Variants in KIF18A observed in about 807,000 individuals in gnomAD.
KIF18A encodes the protein kinesin family member 18A.
Under a neutral mutation model 103.3 loss-of-function variants are expected in KIF18A, and 67 were observed. The observed-to-expected ratio is 0.65, with a 90% CI of 0.53 to 0.79. The LOEUF is 0.79. Among genes scored for constraint, KIF18A ranks in the 30% least tolerant of loss-of-function variants. The probability of loss-of-function intolerance (pLI) is 0.00; values close to 1 mark genes in which losing one functional copy is unlikely to be tolerated. For synonymous variants in KIF18A, 367 were observed against 355.5 expected, an observed-to-expected ratio of 1.03 and a Z score of -0.36; for missense variants, 1,032 against 1,062.5, an observed-to-expected ratio of 0.97 and a Z score of 0.40.
chr11:28,030,505 C>A (rs1215711507), intron 15 of KIF18A, among the ~76,000 whole-genome samples: 1 of 152,094 alleles, frequency 6.6e-6, no homozygotes, highest in Non-Finnish European at 1.5e-5. Context: ...TGGATCCCTT[C>A]CTTACACCTT....
At chr11:28,057,282 G>A (rs1472949229) in intron 13 of KIF18A, among the ~76,000 whole-genome samples, 1 of 152,050 alleles carries the variant, frequency 6.6e-6, no homozygotes, top group African/African-American at 2.4e-5. Flanking sequence ...TTGGGAGGCC[G>A]AGGTGGATGG....
intron 13 of KIF18A, among the ~76,000 whole-genome samples, chr11:28,040,092 A>G (rs994954727): frequency 4.6e-5 from 7 of 151,822 alleles, no homozygotes; most frequent in African/African-American, 1.7e-4. Context: ...ACCCAACTTA[A>G]TGAAAACTAA....
intron 16 of KIF18A, 133 bp downstream of exon 16, chr11:28,023,608 A>G (rs940119469): frequency 4.2e-6 from 2 of 477,860 alleles, no homozygotes; most frequent in Non-Finnish European, 7.5e-6. Flanking sequence ...GTGGATAATC[A>G]TACTTGTTCT....
intron 2 of KIF18A, among the ~76,000 whole-genome samples, chr11:28,095,461 A>T (rs1464791290): frequency 6.6e-6 from 1 of 152,160 alleles, no homozygotes; most frequent in East Asian, 1.9e-4. Flanking sequence ...AGCCCTTAGT[A>T]TATGCTGCAT....
In KIF18A at chr11:28,036,629, G is replaced by C; in HGVS notation, c.1984C>G (p.Pro662Ala). 1 of 1,609,318 alleles carries C rather than the reference G, an allele frequency of 6.2e-7. No homozygotes were observed. Among genetic ancestry groups the C allele is most frequent in the Non-Finnish European group, 8.5e-7 (1 of 1,177,290 alleles). Reference protein sequence around the residue: ...SSGGTNLVKIPTEKRTRRKLM... With the variant: ...SSGGTNLVKIATEKRTRRKLM... ...TTTCTCCGAGTTCTTTTTTCTGTAG[G>C]AATCTTAACCAGATTAGTTCCACCT... Residue 662 changes from proline to alanine, a missense_variant, in exon 14 of 17, where the codon CCT (proline) becomes GCT (alanine). Pro to Ala is a conservative substitution (Grantham distance 27). Transcript: ENST00000263181.
intron 13 of KIF18A, among the ~76,000 whole-genome samples, chr11:28,054,279 C>T (rs781128283): frequency 7.3e-5 from 11 of 150,714 alleles, no homozygotes; most frequent in South Asian, 6.3e-4. Context: ...GGTGCAATCT[C>T]GGCTCACTGC....
intron 13 of KIF18A, among the ~76,000 whole-genome samples, chr11:28,049,121 T>G (rs909012940): frequency 3.3e-5 from 5 of 152,072 alleles, no homozygotes; most frequent in African/African-American, 1.2e-4. Context: ...ATATTATTCA[T>G]TTCTTATGCC....
At chr11:28,083,049 TG>T in intron 8 of KIF18A, 81 bp from the exon 9 acceptor site, 1 of 1,453,182 alleles carries the variant, frequency 6.9e-7, no homozygotes, top group Non-Finnish European at 9.2e-7. Flanking sequence ...AAAAAATAAC[TG>T]AATTAACCAG....
chr11:28,042,734 A>C (rs1394039456), intron 13 of KIF18A, among the ~76,000 whole-genome samples: 2 of 151,970 alleles, frequency 1.3e-5, no homozygotes, highest in African/African-American at 4.8e-5. Context: ...GCAAAAGACA[A>C]TTTTAACCAA....
chr11:28,105,449 G>C (rs979013695), intron 1 of KIF18A, among the ~76,000 whole-genome samples: 2 of 152,066 alleles, frequency 1.3e-5, no homozygotes, highest in African/African-American at 4.8e-5. Flanking sequence ...TGTATAAAAC[G>C]AAGATGTACA....
intron 13 of KIF18A, among the ~76,000 whole-genome samples, chr11:28,058,573 G>A (rs1344232958): frequency 1.2e-4 from 16 of 135,478 alleles, no homozygotes; most frequent in Middle Eastern, 4.1e-3. Flanking sequence ...GAAGTGGAAG[G>A]ATTGCTAGAG....
At chr11:28,069,926 G>A (rs907058648) in intron 10 of KIF18A, among the ~76,000 whole-genome samples, 8 of 152,142 alleles carry the variant, frequency 5.3e-5, no homozygotes, top group African/African-American at 1.9e-4. Context: ...GTGCTTATCA[G>A]TATCTGATCT....
At chr11:28,026,734 G>A (rs1850326726) in intron 15 of KIF18A, among the ~76,000 whole-genome samples, 1 of 151,562 alleles carries the variant, frequency 6.6e-6, no homozygotes, top group Non-Finnish European at 1.5e-5. Flanking sequence ...TGACATCTTA[G>A]TAAACACAAC....
chr11:28,083,295 G>T, intron 7 of KIF18A, 52 bp from the exon 8 acceptor site: 1 of 1,489,890 alleles, frequency 6.7e-7, no homozygotes, highest in African/African-American at 1.5e-5. Flanking sequence ...TAATCACAGA[G>T]ATAAATACAT....
chr11:28,059,103 C>T lies in KIF18A; in HGVS notation c.1771G>A (p.Gly591Ser), dbSNP rs139953450. Residue 591 changes from glycine (G) to serine (S), a missense_variant, in exon 13 of 17, where the codon GGC (glycine) becomes AGC (serine). Physicochemically the swap from Gly to Ser is moderately conservative, Grantham distance 56. Coordinates refer to ENST00000263181, the MANE Select transcript of KIF18A (RefSeq NM_031217.4). ...RKQYCTLKEA[G>S]LSNAAFESDF... ...GATTCAAAAGCAGCATTTGACAGGC[C>T]GGCTTCTTTTAATGTGCAATATTGT... 33 of 1,613,938 alleles carry T rather than the reference C, an allele frequency of 2.0e-5. 1 individual carries two copies. The Middle Eastern group carries it at 8.3e-4, about 40-fold the overall frequency.
chr11:28,056,538 G>A (rs966436710), intron 13 of KIF18A, among the ~76,000 whole-genome samples: 45 of 151,990 alleles, frequency 3.0e-4, no homozygotes, highest in Middle Eastern at 3.2e-3. Context: ...AAAGCAATAG[G>A]TGAGGAGATA....
rs1267597217 is a variant in KIF18A at position 28,069,376 on chromosome 11, G to A, written c.1473C>T (p.Arg491=). ...DHRLAMLKTR[R]SYLEKRREEE... ...CCTCCCTCCTTTTCTCCAGGTAGGA[G>A]CGACGAGTTTTCAACATTGCAAGTC... The change falls in exon 11 of 17, where the codon CGC becomes CGT. Residue 491 remains arginine (R), a synonymous_variant. Coordinates refer to ENST00000263181, the MANE Select transcript of KIF18A (RefSeq NM_031217.4). 1.2e-6 allele frequency: 2 copies of A among 1,613,722 alleles called. No homozygotes were observed. The highest frequency in any genetic ancestry group is 1.7e-6 in the Non-Finnish European group (2 of 1,179,796).
intron 9 of KIF18A, among the ~76,000 whole-genome samples, chr11:28,082,369 C>A (rs1168324197): frequency 6.6e-6 from 1 of 152,072 alleles, no homozygotes; most frequent in African/African-American, 2.4e-5. Context: ...GAAATTGTCA[C>A]AGCCACTCCA....
At chr11:28,058,776 T>C (rs1049233403) in intron 13 of KIF18A, 150 bp downstream of exon 13, 18 of 603,622 alleles carry the variant, frequency 3.0e-5, no homozygotes, top group Non-Finnish European at 4.9e-5. Context: ...TGGAAGATAC[T>C]GGTTAATTGA....
Sources: allele counts gnomAD v4.1 joint callset (sites outside exome capture counted in the v4.1 genomes callset), GRCh38; gene constraint gnomAD v4.1.1; transcripts MANE v1.5; gene names NCBI Gene and HGNC (gene_info 2026-07-23, HGNC 2026-07-21).